The following SLC49A4 variants were observed in gnomAD, a reference collection of about 807,000 sequenced individuals.
SLC49A4 encodes the protein disrupted in renal cancer protein 2.
In SLC49A4, 36 loss-of-function variants were observed where a neutral mutation model predicts 50.6. The observed-to-expected ratio is 0.71, with a 90% CI of 0.55 to 0.94. The LOEUF is 0.94. Among genes scored for constraint, SLC49A4 ranks in the 40% least tolerant of loss-of-function variants. The probability of loss-of-function intolerance (pLI) is 0.00; values close to 1 mark genes in which losing one functional copy is unlikely to be tolerated. For synonymous variants in SLC49A4, 248 were observed against 241.2 expected, an observed-to-expected ratio of 1.03 and a Z score of -0.26; for missense variants, 503 against 605.7, an observed-to-expected ratio of 0.83 and a Z score of 1.78.
At chr3:122,825,836 C>T (rs1391026667) in intron 2 of SLC49A4, among the ~76,000 whole-genome samples, 1 of 151,916 alleles carries the variant, frequency 6.6e-6, no homozygotes, top group East Asian at 1.9e-4. Context: ...TTCAAGGCAG[C>T]TCTTAAATGT....
chr3:122,876,911 T>C (rs977367949), intron 8 of SLC49A4, among the ~76,000 whole-genome samples: 3 of 152,116 alleles, frequency 2.0e-5, no homozygotes, highest in Admixed American at 2.0e-4. Context: ...TGCTGTGTAG[T>C]AGACAGTAGA....
At chr3:122,807,282 TAGG>T (rs1387638927) in intron 2 of SLC49A4, among the ~76,000 whole-genome samples, 8 of 152,158 alleles carry the variant, frequency 5.3e-5, no homozygotes, top group African/African-American at 1.9e-4. Flanking sequence ...GCCTCGAGAC[TAGG>T]AGAAGTTTTG....
chr3:122,795,313 G>C lies in SLC49A4; in HGVS notation c.121G>C (p.Val41Leu). ...EAAAAALPAA[V>L]PGPGRVYGRR... ...GGCGGCGGCGGCGCTGCCCGCGGCG[G>C]TCCCGGGTCCCGGGCGGGTATACGG... The change falls in exon 1 of 9, where the codon GTC becomes CTC. Residue 41 changes from valine (V) to leucine (L), a missense_variant. Val to Leu is a conservative substitution (Grantham distance 32). Transcript: ENST00000261038. 6.7e-7 allele frequency: 1 copy of C among 1,485,610 alleles called. No individual in the cohort carries two copies. Among genetic ancestry groups the C allele is most frequent in the Non-Finnish European group, 8.8e-7 (1 of 1,130,500 alleles). 92.0% of individuals were successfully genotyped at this position (1,485,610 alleles called of 1,614,324 possible).
rs28617276 is a variant in SLC49A4, at chr3:122,798,939, C to T, written c.343+3404C>T. Among the ~76,000 whole-genome samples, 3 of 151,896 alleles carry T rather than the reference C, an allele frequency of 2.0e-5. No individual in the cohort carries two copies. In the South Asian group the frequency reaches 6.2e-4, roughly 32 times the overall value. ...GTTGTTTGGCCTTTGTGCTGCCTCA[C>T]GCCCCAGCCTGATTAGCCTAGGAGA... On this transcript the variant is annotated intron_variant, in intron 1 of 8. Coordinates refer to ENST00000261038, the MANE Select transcript of SLC49A4 (RefSeq NM_032839.3).
intron 2 of SLC49A4, among the ~76,000 whole-genome samples, chr3:122,813,687 A>C (rs1236013018): frequency 1.3e-5 from 2 of 152,232 alleles, no homozygotes; most frequent in Non-Finnish European, 2.9e-5. Flanking sequence ...CAAAGGGGCA[A>C]ACAATTAAAA....
chr3:122,826,744 G>A, intron 2 of SLC49A4, 56 bp from the exon 3 acceptor site: 1 of 1,574,176 alleles, frequency 6.4e-7, no homozygotes, highest in Non-Finnish European at 8.7e-7. Flanking sequence ...ATTTCTTTTT[G>A]TCTTAGAAAA....
chr3:122,798,028 A>T (rs551243157), intron 1 of SLC49A4, among the ~76,000 whole-genome samples: 1 of 152,108 alleles, frequency 6.6e-6, no homozygotes, highest in Non-Finnish European at 1.5e-5. Flanking sequence ...CCTATAATCA[A>T]TGTTACAATA....
At chr3:122,864,785 A>C (rs999151010) in intron 7 of SLC49A4, among the ~76,000 whole-genome samples, 1 of 152,220 alleles carries the variant, frequency 6.6e-6, no homozygotes, top group Non-Finnish European at 1.5e-5. Flanking sequence ...AGGCCAAGGC[A>C]ATAGGATCAC....
intron 4 of SLC49A4, among the ~76,000 whole-genome samples, chr3:122,843,558 T>A (rs1443548362): frequency 6.6e-6 from 1 of 152,256 alleles, no homozygotes; most frequent in Non-Finnish European, 1.5e-5. Context: ...TTTAACAGTT[T>A]GTTTGAACAG....
chr3:122,878,746 T>C (rs964452540), intron 8 of SLC49A4, among the ~76,000 whole-genome samples: 2 of 152,240 alleles, frequency 1.3e-5, no homozygotes, highest in African/African-American at 4.8e-5. Context: ...TTGTATGTTT[T>C]ATTTTTAAAT....
chr3:122,867,563 A>C (rs1937135316), intron 7 of SLC49A4, among the ~76,000 whole-genome samples: 1 of 152,230 alleles, frequency 6.6e-6, no homozygotes, highest in Admixed American at 6.5e-5. Context: ...CAAGATTATA[A>C]AGTTGTAATT....
chr3:122,856,435 A>G, intron 6 of SLC49A4, 61 bp downstream of exon 6: 1 of 1,404,098 alleles, frequency 7.1e-7, no homozygotes, highest in Non-Finnish European at 1.0e-6. Context: ...CTAAAGATAA[A>G]TAGGCTCCCC....
chr3:122,825,287 A>G (rs999366989), intron 2 of SLC49A4, among the ~76,000 whole-genome samples: 15 of 152,180 alleles, frequency 9.9e-5, no homozygotes, highest in Non-Finnish European at 2.2e-4. Context: ...TTGCTGGAAC[A>G]TTTCTGTAAT....
chr3:122,873,360 A>G (rs1937219527), intron 8 of SLC49A4, among the ~76,000 whole-genome samples: 1 of 151,884 alleles, frequency 6.6e-6, no homozygotes, highest in Non-Finnish European at 1.5e-5. Context: ...TTGTGTTTTT[A>G]GTAGAGACGG....
chr3:122,856,455 A>T, intron 6 of SLC49A4, 81 bp downstream of exon 6: 1 of 1,281,228 alleles, frequency 7.8e-7, no homozygotes, highest in Non-Finnish European at 1.1e-6. Context: ...CTAAATAAAC[A>T]TTACAATTCA....
intron 1 of SLC49A4, among the ~76,000 whole-genome samples, chr3:122,796,263 A>G (rs1000533780): frequency 6.6e-6 from 1 of 152,238 alleles, no homozygotes. Flanking sequence ...ATAAATGATT[A>G]GTAGTGACAG....
At position 122,879,918 on chromosome 3, in the gene SLC49A4, C is replaced by T. The variant is rs1443014937; in HGVS notation, c.*540C>T. The T allele has an allele frequency of 6.5e-6, 1 of 152,812 alleles. No individual in the cohort carries two copies. The highest frequency in any genetic ancestry group is 1.5e-5 in the Non-Finnish European group (1 of 68,226). The allele number at this position is 152,812 out of a possible 1,614,324, so 9.5% of individuals were successfully genotyped here. On this transcript the variant is annotated 3_prime_UTR_variant, in exon 9 of 9. Transcript: ENST00000261038. ...TAATAAAGCCATTTCTTATATGACTCCTTATTTTAATCAGGTCAGAAGCCC... is the reference window on the plus strand; with the variant it reads ...TAATAAAGCCATTTCTTATATGACTTCTTATTTTAATCAGGTCAGAAGCCC...
At position 122,795,177 on chromosome 3, in the gene SLC49A4, CGGG is replaced by C; in HGVS notation, c.-15_-13del. 1 of 1,314,518 alleles carries C rather than the reference CGGG, an allele frequency of 7.6e-7. No homozygotes were observed. Among genetic ancestry groups the C allele is most frequent in the African/African-American group, 1.5e-5 (1 of 64,660 alleles). 81.4% of individuals were successfully genotyped at this position (1,314,518 alleles called of 1,614,324 possible). ...CGGACTGCGCCCGGCAGTGGCTTCGCGGGCGACGCGTCGCCATGGGCTCTCGCT... is the reference window on the plus strand; with the variant it reads ...CGGACTGCGCCCGGCAGTGGCTTCGCCGACGCGTCGCCATGGGCTCTCGCT... On this transcript the variant is annotated 5_prime_UTR_variant, in exon 1 of 9. Coordinates refer to ENST00000261038, the MANE Select transcript of SLC49A4 (RefSeq NM_032839.3).
chr3:122,827,002 C>T lies in SLC49A4; in HGVS notation c.640C>T (p.Leu214Phe), dbSNP rs769669601. 2 of 1,614,106 alleles carry T rather than the reference C, an allele frequency of 1.2e-6. No homozygotes were observed. Among genetic ancestry groups the T allele is most frequent in the East Asian group, 4.5e-5 (2 of 44,898 alleles). The change falls in exon 3 of 9, where the codon CTT becomes TTT. Residue 214 changes from leucine (L) to phenylalanine (F), a missense_variant. Coordinates refer to ENST00000261038, the MANE Select transcript of SLC49A4 (RefSeq NM_032839.3). ...VVPAPNGTSP[L>F]LAAESSRAHI... ...TCCAGCTCCCAATGGGACATCACCTCTTCTTGCTGCAGAGAGCAGCAGGGC... is the reference window on the plus strand; with the variant it reads ...TCCAGCTCCCAATGGGACATCACCTTTTCTTGCTGCAGAGAGCAGCAGGGC...
Sources: gnomAD v4.1 joint callset for allele counts (sites outside exome capture counted in the v4.1 genomes callset) on GRCh38, gnomAD v4.1.1 for gene constraint, MANE v1.5 for transcripts, NCBI Gene and HGNC (gene_info 2026-07-23, HGNC 2026-07-21) for gene names.